The following PFKFB2 variants were observed in gnomAD, a reference collection of about 807,000 sequenced individuals.
The protein encoded by PFKFB2 is 6-phosphofructo-2-kinase/fructose-2,6-biphosphatase 2.
In PFKFB2, 53 loss-of-function variants were observed where a neutral mutation model predicts 68.0. The ratio of observed to expected loss-of-function variants is 0.78; its 90% CI spans 0.63 to 0.98. The LOEUF (loss-of-function observed/expected upper bound fraction) is 0.98, where lower values mean the gene tolerates loss of function less well. PFKFB2 is among the 50% of genes least tolerant of loss of function. The pLI, the probability that PFKFB2 is intolerant of heterozygous loss-of-function variation, is 0.00. For synonymous variants in PFKFB2, 222 were observed against 227.6 expected, an observed-to-expected ratio of 0.98 and a Z score of 0.22; for missense variants, 451 against 642.0, an observed-to-expected ratio of 0.70 and a Z score of 3.22.
At chr1:207,062,468 C>T (rs964129659) in intron 3 of PFKFB2, 152 bp from the exon 4 acceptor site, 4 of 1,244,440 alleles carry the variant, frequency 3.2e-6, no homozygotes, top group East Asian at 2.3e-5. Context: ...GAACCCAACT[C>T]TTTTGACTCT....
At chr1:207,060,184 T>C (rs935921942) in intron 2 of PFKFB2, among the ~76,000 whole-genome samples, 2 of 152,186 alleles carry the variant, frequency 1.3e-5, no homozygotes, top group African/African-American at 2.4e-5. Flanking sequence ...CCTCTTTTTA[T>C]GGAGAAAAGC....
intron 1 of PFKFB2, among the ~76,000 whole-genome samples, chr1:207,039,975 A>G (rs1682446570): frequency 6.6e-6 from 1 of 152,204 alleles, no homozygotes; most frequent in Admixed American, 6.5e-5. Context: ...GAGAACAGGC[A>G]TCAGAGTTCA....
chr1:207,049,518 T>C (rs1213440533), upstream of PFKFB2: 2 of 1,614,200 alleles, frequency 1.2e-6, no homozygotes. Flanking sequence ...CTATGAGGCG[T>C]CTCATCTCAG....
chr1:207,058,123 TAAC>T (rs1682984867), intron 2 of PFKFB2, among the ~76,000 whole-genome samples: 2 of 152,248 alleles, frequency 1.3e-5, no homozygotes, highest in Admixed American at 6.5e-5. Flanking sequence ...CCATAGTGGT[TAAC>T]TGAAACATCA....
intron 10 of PFKFB2, 141 bp downstream of exon 10, chr1:207,068,450 C>A: frequency 1.6e-6 from 1 of 607,728 alleles, no homozygotes. Context: ...TATGGCCAGC[C>A]CGGGGGATCA....
At chr1:207,051,265 G>A (rs1368443352), upstream of PFKFB2, among the ~76,000 whole-genome samples, 1 of 152,220 alleles carries the variant, frequency 6.6e-6, no homozygotes, top group African/African-American at 2.4e-5. Context: ...GGGGGAAGGA[G>A]TTCCTGAATG....
At position 207,062,615 on chromosome 1, in the gene PFKFB2, T is replaced by C. The variant is rs767612754; in HGVS notation, c.212-5T>C. ...GCTGCTGAAGGATTTGGGTGTCTTC[T>C]ACAGTGTTTAATCTTGGGGTGTATC... is the stretch of plus-strand genomic sequence containing the variant. On this transcript the variant is annotated splice_region_variant and splice_polypyrimidine_tract_variant and intron_variant, in intron 3 of 14. Coordinates refer to ENST00000367080, the MANE Select transcript of PFKFB2 (RefSeq NM_006212.2). 7 of 1,613,380 alleles carry C rather than the reference T, an allele frequency of 4.3e-6. No individual in the cohort carries two copies. In the East Asian group the frequency reaches 1.6e-4, roughly 36 times the overall value.
In PFKFB2 at chr1:207,072,272, G is replaced by T; in HGVS notation, c.1419G>T (p.Ser473=). The T allele has an allele frequency of 1.2e-6, 2 of 1,614,174 alleles. No individual in the cohort carries two copies. Among genetic ancestry groups the T allele is most frequent in the East Asian group, 2.2e-5 (1 of 44,884 alleles). The change falls in exon 15 of 15, where the codon TCG becomes TCT. Residue 473 remains serine, a synonymous_variant. Transcript: ENST00000367080. ...ACAGCTTTACGCCTCTGTCCAGTTCGAATACAATAAGGCGTCCAAGAAATT... is the reference window on the plus strand; with the variant it reads ...ACAGCTTTACGCCTCTGTCCAGTTCTAATACAATAAGGCGTCCAAGAAATT... ...RRNSFTPLSS[S]NTIRRPRNYS... is the part of the protein sequence containing the mutation.
Position 207,073,406 on chromosome 1 carries a change from T to G in PFKFB2, c.*1035T>G, listed in dbSNP as rs1683526417. 1.0e-6 allele frequency: 1 copy of G among 985,296 alleles called. No homozygotes were observed. The highest frequency in any genetic ancestry group is 1.7e-5 in the African/African-American group (1 of 57,236). The allele number at this position is 985,296 out of a possible 1,614,324, so 61.0% of individuals were successfully genotyped here. A position where few individuals can be genotyped will look rare whatever the true frequency, so the allele number is the denominator to read the frequency against. On this transcript the variant is annotated 3_prime_UTR_variant, in exon 15 of 15. Transcript: ENST00000367080. The stretch of plus-strand genomic sequence containing the variant: ...GGGCTGTTTAGAAGGGCAGTTAGAT[T>G]CAGGAGTCACCACTGATGTTTGAGT...
upstream of PFKFB2, chr1:207,052,068 C>G (rs769452681): frequency 6.1e-6 from 5 of 820,414 alleles, no homozygotes; most frequent in Non-Finnish European, 1.0e-5. Context: ...ACTCATTGTT[C>G]TTTATCCAGC....
chr1:207,063,888 G>GGGGTGTGTGTGTGTGTGTGTGTGTGTGT lies in PFKFB2; in HGVS notation c.507+60_507+61insGGTGTGTGTGTGTGTGTGTGTGTGTGTG. 11 of 1,015,388 alleles carry GGGGTGTGTGTGTGTGTGTGTGTGTGTGT rather than the reference G, an allele frequency of 1.1e-5. No individual in the cohort carries two copies. Among genetic ancestry groups the GGGGTGTGTGTGTGTGTGTGTGTGTGTGT allele is most frequent in the Non-Finnish European group, 1.5e-5 (10 of 650,702 alleles). 62.9% of individuals were successfully genotyped at this position (1,015,388 alleles called of 1,614,324 possible). A position where few individuals can be genotyped will look rare whatever the true frequency, so the allele number is the denominator to read the frequency against. On this transcript the variant is annotated intron_variant, in intron 7 of 14. Transcript: ENST00000367080. This position sits in a 1 kb window ranked among gnomAD's most constrained non-coding sequence, Gnocchi z 4.1. ...ACCTTTTGTGCTGTGTGTGTTGTGG[G>GGGGTGTGTGTGTGTGTGTGTGTGTGTGT]GTGTGTGTGTGTGTGTGTGTGTGTG...
chr1:207,041,131 G>C (rs1008587922), intron 1 of PFKFB2, among the ~76,000 whole-genome samples: 2 of 151,568 alleles, frequency 1.3e-5, no homozygotes, highest in Non-Finnish European at 2.9e-5. Flanking sequence ...GTTTCACCGT[G>C]TTAGCCAGGA....
chr1:207,061,926 G>C (rs765599803), intron 2 of PFKFB2, 27 bp from the exon 3 acceptor site: 1 of 1,603,520 alleles, frequency 6.2e-7, no homozygotes, highest in Admixed American at 1.7e-5. Context: ...TAGTCATTTC[G>C]TTTTATTTTG....
At chr1:207,046,203 T>A (rs1375051838) in intron 2 of PFKFB2, 1 of 152,006 alleles carries the variant, frequency 6.6e-6, no homozygotes, top group Non-Finnish European at 1.5e-5. Context: ...TTTAAAAAAA[T>A]TCCTCTATGG....
downstream of PFKFB2, chr1:207,080,708 T>TTTG (rs1558070843): frequency 7.1e-6 from 1 of 139,990 alleles, no homozygotes; most frequent in South Asian, 2.1e-4. Context: ...TCAGGTTTTT[T>TTTG]TTTGTTTGTT....
rs750090719 is a variant in PFKFB2 at position 207,064,990 on chromosome 1, AC to A, written c.508-45del. The A allele has an allele frequency of 9.4e-6, 15 of 1,598,604 alleles. No homozygotes were observed. The Admixed American group carries it at 2.4e-4, about 26-fold the overall frequency. Reference sequence around the variant, plus strand: ...AGTGGCTATTTGTAGGAGGACTGTTACGGGCAGACCTCTGATGAGGCCTTTA... The same window carrying A: ...AGTGGCTATTTGTAGGAGGACTGTTAGGGCAGACCTCTGATGAGGCCTTTA... On this transcript the variant is annotated intron_variant, in intron 7 of 14. Transcript: ENST00000367080.
intron 2 of PFKFB2, among the ~76,000 whole-genome samples, chr1:207,043,427 G>GT (rs1212921990): frequency 1.3e-5 from 2 of 152,182 alleles, no homozygotes; most frequent in Non-Finnish European, 2.9e-5. Flanking sequence ...CTGGCCAATT[G>GT]TAATAGCCAC....
chr1:207,055,641 T>TTATATATATATATA (rs34590725), intron 2 of PFKFB2, among the ~76,000 whole-genome samples: 4 of 147,674 alleles, frequency 2.7e-5, no homozygotes, highest in African/African-American at 1.0e-4. Context: ...ACTTCAGTGG[T>TTATATATATATATA]TATATATATA....
upstream of PFKFB2, chr1:207,048,850 C>A: frequency 1.6e-6 from 1 of 642,386 alleles, no homozygotes. Flanking sequence ...TGTAAACTTG[C>A]ACACTAATTT....
Sources: allele counts gnomAD v4.1 joint callset (sites outside exome capture counted in the v4.1 genomes callset), GRCh38; gene constraint gnomAD v4.1.1; non-coding constraint Gnocchi (gnomAD v3.1); transcripts MANE v1.5; gene names NCBI Gene and HGNC (gene_info 2026-07-23, HGNC 2026-07-21).